The following PGGT1B variants were observed in gnomAD, a reference collection of about 807,000 sequenced individuals.
PGGT1B encodes the protein protein geranylgeranyltransferase type I subunit beta, also known as geranylgeranyl transferase type-1 subunit beta.
In PGGT1B, 30 loss-of-function variants were observed where a neutral mutation model predicts 46.1. That is an observed-to-expected ratio of 0.65 (90% CI 0.49 to 0.88). The LOEUF (loss-of-function observed/expected upper bound fraction) is 0.88, where lower values mean the gene tolerates loss of function less well. Ranked by LOEUF, PGGT1B falls within the 40% of genes least tolerant of loss-of-function variation. PGGT1B has a pLI of 0.00. For missense variants in PGGT1B, 376 were observed against 455.9 expected, an observed-to-expected ratio of 0.82 and a Z score of 1.60; for synonymous variants, 170 against 160.0, an observed-to-expected ratio of 1.06 and a Z score of -0.47.
rs1756094997 is a variant in PGGT1B, at chr5:115,207,276, C to A, written c.*5126G>T. 6.9e-6 allele frequency: 1 copy of A among 145,318 alleles called. No homozygotes were observed. The highest frequency in any genetic ancestry group is 1.5e-5 in the Non-Finnish European group (1 of 66,334). The allele number at this position is 145,318 out of a possible 1,614,324, so 9.0% of individuals were successfully genotyped here. The stretch of plus-strand genomic sequence containing the variant: ...TATACATACAGAAAAGTGCACAAAT[C>A]ATATACAGCTTGATAAATATTCATA... On this transcript the variant is annotated 3_prime_UTR_variant, in exon 9 of 9. Transcript: ENST00000419445.
chr5:115,212,780 A>G (rs565757389), intron 8 of PGGT1B, among the ~76,000 whole-genome samples, 197 bp from the exon 9 acceptor site: 10 of 152,252 alleles, frequency 6.6e-5, no homozygotes, highest in African/African-American at 2.4e-4. Flanking sequence ...TCAAAATAAA[A>G]TATTTTATTC....
intron 1 of PGGT1B, among the ~76,000 whole-genome samples, chr5:115,258,170 C>T (rs1233650291): frequency 6.6e-6 from 1 of 152,186 alleles, no homozygotes; most frequent in Non-Finnish European, 1.5e-5. Context: ...ATAAAGCTTC[C>T]TAACCTTAAG....
chr5:115,230,466 T>C (rs965003683), intron 6 of PGGT1B, among the ~76,000 whole-genome samples: 2 of 152,250 alleles, frequency 1.3e-5, no homozygotes, highest in East Asian at 3.9e-4. Flanking sequence ...ATTATTCTAG[T>C]TCTGCCAAAG....
intron 1 of PGGT1B, among the ~76,000 whole-genome samples, chr5:115,259,184 T>C (rs1250830254): frequency 6.6e-6 from 1 of 152,180 alleles, no homozygotes; most frequent in Non-Finnish European, 1.5e-5. Flanking sequence ...TGCATATTTG[T>C]TTCTCCTATA....
At chr5:115,240,242 T>C (rs1757308386) in intron 3 of PGGT1B, among the ~76,000 whole-genome samples, 1 of 152,170 alleles carries the variant, frequency 6.6e-6, no homozygotes, top group African/African-American at 2.4e-5. Flanking sequence ...AGGGCAATAA[T>C]GGTTTTTTCT....
intron 1 of PGGT1B, among the ~76,000 whole-genome samples, chr5:115,258,967 A>G (rs967035499): frequency 2.6e-5 from 4 of 152,200 alleles, no homozygotes; most frequent in African/African-American, 9.7e-5. Context: ...AATTTCTAAG[A>G]CCTTAGACGT....
In PGGT1B at chr5:115,241,524, C is replaced by G; in HGVS notation, c.327+15G>C. 3 of 1,557,766 alleles carry G rather than the reference C, an allele frequency of 1.9e-6. No homozygotes were observed. Among genetic ancestry groups the G allele is most frequent in the Non-Finnish European group, 2.6e-6 (3 of 1,145,340 alleles). ...TACATCCCTTCTACTTCCTTCTGAA[C>G]CAAATAGAACCAACCTTTGATGGAT... On this transcript the variant is annotated intron_variant, in intron 3 of 8. Coordinates refer to ENST00000419445, the MANE Select transcript of PGGT1B (RefSeq NM_005023.4).
intron 7 of PGGT1B, among the ~76,000 whole-genome samples, chr5:115,217,618 G>A (rs1045326134): frequency 5.3e-5 from 8 of 151,960 alleles, no homozygotes; most frequent in African/African-American, 1.9e-4. Context: ...CAGTAGGTAA[G>A]AGGGTTCAAG....
intron 1 of PGGT1B, among the ~76,000 whole-genome samples, chr5:115,253,578 A>C (rs575205249): frequency 6.6e-6 from 1 of 151,932 alleles, no homozygotes; most frequent in Non-Finnish European, 1.5e-5. Flanking sequence ...CTCTACAACT[A>C]ATCAGTACAA....
chr5:115,206,689 T>C lies in PGGT1B; in HGVS notation c.*5713A>G, dbSNP rs1206866248. 1 of 152,060 alleles carries C rather than the reference T, an allele frequency of 6.6e-6. No homozygotes were observed. Among genetic ancestry groups the C allele is most frequent in the Non-Finnish European group, 1.5e-5 (1 of 67,950 alleles). 9.4% of individuals were successfully genotyped at this position (152,060 alleles called of 1,614,324 possible). ...GTCTTATTTTTCACAATTACAAAAA[T>C]GTGGCTGTGAGATCCTTGAAAATGT... On this transcript the variant is annotated 3_prime_UTR_variant, in exon 9 of 9. Coordinates refer to ENST00000419445, the MANE Select transcript of PGGT1B (RefSeq NM_005023.4).
chr5:115,217,841 A>G (rs2126990777), intron 7 of PGGT1B, among the ~76,000 whole-genome samples: 1 of 152,118 alleles, frequency 6.6e-6, no homozygotes, highest in Non-Finnish European at 1.5e-5. Flanking sequence ...GATGTTAGGA[A>G]TATTTTCCAT....
chr5:115,262,873 G>T lies in PGGT1B; in HGVS notation c.-22C>A. 6.2e-7 allele frequency: 1 copy of T among 1,610,980 alleles called. No homozygotes were observed. Among genetic ancestry groups the T allele is most frequent in the Non-Finnish European group, 8.5e-7 (1 of 1,179,260 alleles). On this transcript the variant is annotated 5_prime_UTR_variant, in exon 1 of 9. Transcript: ENST00000419445. ...CCATGCTGCTCCGGAAGCGACGTCCGCCGCGACCCGGAATCAGTGCCCGCG... is the reference window on the plus strand; with the variant it reads ...CCATGCTGCTCCGGAAGCGACGTCCTCCGCGACCCGGAATCAGTGCCCGCG...
At chr5:115,225,500 T>C (rs1450580184) in intron 6 of PGGT1B, among the ~76,000 whole-genome samples, 4 of 152,198 alleles carry the variant, frequency 2.6e-5, no homozygotes, top group African/African-American at 9.6e-5. Flanking sequence ...TCTTAGTACT[T>C]GTATATACTA....
At chr5:115,220,899 T>C (rs1756569150) in intron 7 of PGGT1B, among the ~76,000 whole-genome samples, 1 of 151,634 alleles carries the variant, frequency 6.6e-6, no homozygotes, top group African/African-American at 2.4e-5. Context: ...GGAATTAGAG[T>C]ATGGATGAAG....
chr5:115,215,604 G>A (rs966550759), intron 8 of PGGT1B, among the ~76,000 whole-genome samples: 1 of 152,160 alleles, frequency 6.6e-6, no homozygotes, highest in Admixed American at 6.6e-5. Flanking sequence ...GGCCTAGGAA[G>A]CATGTTTTAT....
intron 3 of PGGT1B, among the ~76,000 whole-genome samples, chr5:115,241,327 T>C (rs938706144): frequency 6.6e-6 from 1 of 152,214 alleles, no homozygotes; most frequent in Non-Finnish European, 1.5e-5. Context: ...GCATGTATTC[T>C]TCCCGGAAGA....
At chr5:115,257,530 C>CAAAAAAAAAAAAAA in intron 1 of PGGT1B, among the ~76,000 whole-genome samples, 1 of 72,080 alleles carries the variant, frequency 1.4e-5, no homozygotes, top group Non-Finnish European at 2.6e-5. Flanking sequence ...AACTCCATCT[C>CAAAAAAAAAAAAAA]AAAAAAAAAA....
chr5:115,227,531 C>T (rs1434506681), intron 6 of PGGT1B, among the ~76,000 whole-genome samples: 2 of 152,156 alleles, frequency 1.3e-5, no homozygotes, highest in African/African-American at 4.8e-5. Context: ...GCAGGAGCAC[C>T]AGCCCTTCAC....
At position 115,262,725 on chromosome 5, in the gene PGGT1B, G is replaced by C; in HGVS notation, c.127C>G (p.Leu43Val). 1 of 1,610,298 alleles carries C rather than the reference G, an allele frequency of 6.2e-7. No homozygotes were observed. The highest frequency in any genetic ancestry group is 8.5e-7 in the Non-Finnish European group (1 of 1,178,198). ...GCCACGAGTTACCTGCTTGTCTCGA[G>C]TGAAGAATAGCGCTCCGGCAAAACC... ...LQVLPERYSS[L>V]ETSRLTIAFF... is the part of the protein sequence containing the mutation. Residue 43 changes from leucine to valine, a missense_variant, in exon 1 of 9, where the codon CTC (leucine) becomes GTC (valine). Coordinates refer to ENST00000419445, the MANE Select transcript of PGGT1B (RefSeq NM_005023.4).
Sources: gnomAD v4.1 joint callset for allele counts (sites outside exome capture counted in the v4.1 genomes callset) on GRCh38, gnomAD v4.1.1 for gene constraint, MANE v1.5 for transcripts, NCBI Gene and HGNC (gene_info 2026-07-23, HGNC 2026-07-21) for gene names.